The following CDH18 variants were observed in gnomAD, a reference collection of about 807,000 sequenced individuals.
The protein encoded by CDH18 is cadherin 18.
Under a neutral mutation model 67.9 loss-of-function variants are expected in CDH18, and 31 were observed. That is an observed-to-expected ratio of 0.46 (90% CI 0.34 to 0.62). The LOEUF (loss-of-function observed/expected upper bound fraction) is 0.62. Among genes scored for constraint, CDH18 ranks in the 20% least tolerant of loss-of-function variants. CDH18 has a pLI of 0.01. For synonymous variants in CDH18, 362 were observed against 347.2 expected, an observed-to-expected ratio of 1.04 and a Z score of -0.48; for missense variants, 890 against 975.5, an observed-to-expected ratio of 0.91 and a Z score of 1.17.
At position 20,141,906 on chromosome 5, in the gene CDH18, G is replaced by C. The variant is rs190709067; in HGVS notation, c.-518+113538C>G. The stretch of plus-strand genomic sequence containing the variant: ...TATTACTATTAATACTAATATTAAA[G>C]TATTAATATTAAGAGTAAAAATAGA... On this transcript the variant is annotated intron_variant, in intron 2 of 14. Coordinates refer to the CDH18 transcript ENST00000507958. Among the ~76,000 whole-genome samples the C allele has an allele frequency of 4.1e-4, 63 of 151,914 alleles. 1 individual carries two copies. The highest frequency in any genetic ancestry group is 1.4e-3 in the African/African-American group (57 of 41,486).
At chr5:20,432,841 A>C (rs979862261) in intron 1 of CDH18, among the ~76,000 whole-genome samples, 16 of 151,604 alleles carry the variant, frequency 1.1e-4, no homozygotes, top group Non-Finnish European at 1.9e-4. Flanking sequence ...AAATTGGGGA[A>C]GAAAACATCT....
At chr5:20,245,686 C>T (rs1472814283) in intron 2 of CDH18, among the ~76,000 whole-genome samples, 1 of 152,010 alleles carries the variant, frequency 6.6e-6, no homozygotes, top group African/African-American at 2.4e-5. Flanking sequence ...TAAGTCAGTG[C>T]CCCCTATTAA....
intron 1 of CDH18, among the ~76,000 whole-genome samples, chr5:19,982,047 A>C (rs1799099746): frequency 6.6e-6 from 1 of 152,224 alleles, no homozygotes; most frequent in Non-Finnish European, 1.5e-5. Context: ...ACTATATAAC[A>C]GGAAAAATAT....
rs12517061 is a variant in CDH18, at chr5:19,472,920, A to G, written c.*306T>C. The G allele has an allele frequency of 0.03, 7,157 of 237,606 alleles. 156 individuals are homozygous for G. The highest frequency in any genetic ancestry group is 0.061 in the African/African-American group (2,707 of 44,412). The allele number at this position is 237,606 out of a possible 1,614,324, so 14.7% of individuals were successfully genotyped here. A position where few individuals can be genotyped will look rare whatever the true frequency, so the allele number is the denominator to read the frequency against. On this transcript the variant is annotated 3_prime_UTR_variant, in exon 13 of 13. Transcript: ENST00000382275. The stretch of plus-strand genomic sequence containing the variant: ...AAAAAATAAATCACAATATATTGAA[A>G]CAAATATCATTGTTTGGCTTAATTC...
chr5:20,167,146 T>C (rs1352098654), intron 2 of CDH18, among the ~76,000 whole-genome samples: 2 of 152,166 alleles, frequency 1.3e-5, no homozygotes, highest in Admixed American at 6.5e-5. Context: ...AAAATTATTG[T>C]TATAATAAAT....
At chr5:20,173,129 T>A (rs558497260) in intron 2 of CDH18, among the ~76,000 whole-genome samples, 1 of 152,078 alleles carries the variant, frequency 6.6e-6, no homozygotes, top group South Asian at 2.1e-4. Context: ...ACCTAGTGAG[T>A]GGGAAATGAT....
chr5:20,525,842 G>T (rs779795767), intron 1 of CDH18, among the ~76,000 whole-genome samples: 1 of 151,242 alleles, frequency 6.6e-6, no homozygotes, highest in African/African-American at 2.4e-5. Context: ...ATTGAGCCAG[G>T]ACCTTAATTG....
intron 1 of CDH18, among the ~76,000 whole-genome samples, chr5:19,986,827 G>T (rs1579957940): frequency 6.6e-6 from 1 of 152,212 alleles, no homozygotes; most frequent in Admixed American, 6.5e-5. Context: ...TTAGAATTAA[G>T]CATTTTCTCT....
intron 2 of CDH18, among the ~76,000 whole-genome samples, chr5:20,208,748 G>T (rs1740114949): frequency 6.6e-6 from 1 of 151,950 alleles, no homozygotes; most frequent in Non-Finnish European, 1.5e-5. Flanking sequence ...AAATGCTTCT[G>T]CACAGCCAAA....
At chr5:20,318,859 C>A (rs902469056) in intron 1 of CDH18, among the ~76,000 whole-genome samples, 1 of 151,848 alleles carries the variant, frequency 6.6e-6, no homozygotes, top group Admixed American at 6.6e-5. Flanking sequence ...TATAAATTAC[C>A]CCATCTCAGT....
At chr5:20,078,115 G>A (rs141512194) in intron 2 of CDH18, among the ~76,000 whole-genome samples, 1 of 152,324 alleles carries the variant, frequency 6.6e-6, no homozygotes, top group East Asian at 1.9e-4. Flanking sequence ...GCAACAGTCA[G>A]ATTTACCTGC....
intron 6 of CDH18, among the ~76,000 whole-genome samples, chr5:19,604,331 T>C (rs903161941): frequency 4.6e-5 from 7 of 152,056 alleles, no homozygotes; most frequent in African/African-American, 1.7e-4. Context: ...AACTATTTAC[T>C]ATTTTATAGT....
At chr5:19,608,163 T>A (rs10941384) in intron 6 of CDH18, among the ~76,000 whole-genome samples, 2 of 151,636 alleles carry the variant, frequency 1.3e-5, no homozygotes, top group Non-Finnish European at 3.0e-5. Flanking sequence ...AATTTACATA[T>A]GTAGAATACT....
At chr5:19,602,634 A>G (rs183178453) in intron 6 of CDH18, among the ~76,000 whole-genome samples, 1 of 152,268 alleles carries the variant, frequency 6.6e-6, no homozygotes, top group African/African-American at 2.4e-5. Context: ...GTGAAATGGT[A>G]TAGCCATTGT....
intron 3 of CDH18, among the ~76,000 whole-genome samples, chr5:19,821,609 A>C (rs1159553441): frequency 7.2e-5 from 11 of 152,134 alleles, no homozygotes; most frequent in Non-Finnish European, 1.6e-4. Flanking sequence ...TAAAATCTAG[A>C]AAATCTCTGT....
intron 8 of CDH18, among the ~76,000 whole-genome samples, chr5:19,556,883 CA>C (rs1384875427): frequency 6.6e-6 from 1 of 151,794 alleles, no homozygotes; most frequent in Non-Finnish European, 1.5e-5. Context: ...GAAAAACAAA[CA>C]AACAAAAACA....
At chr5:20,419,326 G>A (rs889640850) in intron 1 of CDH18, among the ~76,000 whole-genome samples, 2 of 151,904 alleles carry the variant, frequency 1.3e-5, no homozygotes, top group Non-Finnish European at 2.9e-5. Flanking sequence ...GCGTGAACAC[G>A]GACTAATACA....
chr5:19,735,169 G>A (rs1768136496), intron 4 of CDH18, among the ~76,000 whole-genome samples: 1 of 151,610 alleles, frequency 6.6e-6, no homozygotes, highest in Non-Finnish European at 1.5e-5. Context: ...TAAACATGGT[G>A]GAACAGAGTC....
intron 12 of CDH18, among the ~76,000 whole-genome samples, chr5:19,481,914 T>C (rs1360405505): frequency 6.6e-6 from 1 of 152,168 alleles, no homozygotes; most frequent in Non-Finnish European, 1.5e-5. Flanking sequence ...GCAGAAAGAT[T>C]CCTTACATCC....
Sources: allele counts gnomAD v4.1 joint callset (sites outside exome capture counted in the v4.1 genomes callset), GRCh38; gene constraint gnomAD v4.1.1; transcripts MANE v1.5; gene names NCBI Gene and HGNC (gene_info 2026-07-23, HGNC 2026-07-21).